The following TAF3 variants were observed in gnomAD, a reference collection of about 807,000 sequenced individuals.
TAF3 encodes the protein TATA-box binding protein associated factor 3, also known as transcription initiation factor TFIID subunit 3.
Under a neutral mutation model 80.6 loss-of-function variants are expected in TAF3, and 7 were observed. That is an observed-to-expected ratio of 0.09 (90% CI 0.05 to 0.16). TAF3 has a LOEUF of 0.16. Among genes scored for constraint, TAF3 ranks in the 10% least tolerant of loss-of-function variants. The probability of loss-of-function intolerance (pLI) is 1.00; values close to 1 mark genes in which losing one functional copy is unlikely to be tolerated. For missense variants in TAF3, 921 were observed against 1,140.2 expected, an observed-to-expected ratio of 0.81 and a Z score of 2.77; for synonymous variants, 444 against 446.1, an observed-to-expected ratio of 1.00 and a Z score of 0.06.
chr10:7,892,746 T>G (rs1254991860), intron 2 of TAF3, among the ~76,000 whole-genome samples: 1 of 152,162 alleles, frequency 6.6e-6, no homozygotes, highest in Non-Finnish European at 1.5e-5. Context: ...CTATCCATCT[T>G]TACTTTGAAA....
chr10:7,990,066 T>G (rs1831819517), intron 4 of TAF3, among the ~76,000 whole-genome samples: 1 of 152,252 alleles, frequency 6.6e-6, no homozygotes, highest in South Asian at 2.1e-4. Flanking sequence ...TTGTTTTAGT[T>G]TCTAGTTTAG....
chr10:7,865,439 T>A (rs192697896), intron 2 of TAF3, among the ~76,000 whole-genome samples: 26 of 152,070 alleles, frequency 1.7e-4, no homozygotes, highest in East Asian at 5.8e-4. Context: ...AGATCGCGCC[T>A]CTGCACTCCA....
At chr10:7,938,110 C>T (rs907280281) in intron 2 of TAF3, among the ~76,000 whole-genome samples, 1 of 152,116 alleles carries the variant, frequency 6.6e-6, no homozygotes, top group African/African-American at 2.4e-5. Context: ...CAAAATAAAA[C>T]TTAGAGTCCT....
chr10:7,908,938 C>G (rs1282032672), intron 2 of TAF3, among the ~76,000 whole-genome samples: 1 of 152,218 alleles, frequency 6.6e-6, no homozygotes, highest in Non-Finnish European at 1.5e-5. Context: ...CCAGAACTTG[C>G]ATTTCTAGCA....
intron 4 of TAF3, among the ~76,000 whole-genome samples, chr10:7,978,131 T>A (rs1357295510): frequency 6.6e-6 from 1 of 152,202 alleles, no homozygotes; most frequent in Non-Finnish European, 1.5e-5. Context: ...CAACCTTACT[T>A]TTCCCATTAA....
chr10:7,942,856 T>C (rs1837989003), intron 2 of TAF3, among the ~76,000 whole-genome samples: 1 of 152,232 alleles, frequency 6.6e-6, no homozygotes, highest in South Asian at 2.1e-4. Flanking sequence ...TTAAAATGTT[T>C]AGAACATTGT....
intron 2 of TAF3, among the ~76,000 whole-genome samples, chr10:7,837,341 CAAAA>C (rs79016748): frequency 2.2e-5 from 2 of 90,096 alleles, no homozygotes; most frequent in Non-Finnish European, 2.2e-5. Flanking sequence ...CCAGTCTGGG[CAAAA>C]AAAAAAAAAA....
rs71505463 is a variant in TAF3, at chr10:7,838,908, G to GTTTTTTTTTTTTTTTTTTTTT, written c.409+14363_409+14364insTTTTTTTTTTTTTTTTTTTTT. ...GGGAAGTTGTCTGGAGGCATTGCTT[G>GTTTTTTTTTTTTTTTTTTTTT]TTTTTTTTTTTTTTTGGTTTGTTTG... On this transcript the variant is annotated intron_variant, in intron 2 of 6. Transcript: ENST00000344293. 9.8e-5 allele frequency among the ~76,000 whole-genome samples: 10 copies of GTTTTTTTTTTTTTTTTTTTTT among 101,850 alleles called. 1 individual carries two copies. Among genetic ancestry groups the GTTTTTTTTTTTTTTTTTTTTT allele is most frequent in the East Asian group, 5.6e-4 (2 of 3,590 alleles). 66.8% of individuals were successfully genotyped at this position (101,850 alleles called of 152,430 possible).
chr10:7,964,437 G>T lies in TAF3; in HGVS notation c.927G>T (p.Lys309Asn), dbSNP rs780850499. ...CACCAAAAACTGTATCCAAAGAAAA[G>T]AAATCACCTGGACGTTCCAAGAGCC... is the stretch of plus-strand genomic sequence containing the variant. ...IRSPKTVSKE[K>N]KSPGRSKSPK... is the part of the protein sequence containing the mutation. Residue 309 changes from lysine to asparagine, a missense_variant, in exon 3 of 7, where the codon AAG becomes AAT. Physicochemically the swap from Lys to Asn is moderately conservative, Grantham distance 94. This residue lies in a region of TAF3 where 743 missense variants were observed against 821.0 expected (regional missense o/e 0.90). Transcript: ENST00000344293. The surrounding 1 kb of genome is among the most constrained non-coding windows in gnomAD (Gnocchi z 4.1). The T allele has an allele frequency of 1.2e-5, 19 of 1,613,938 alleles. No individual in the cohort carries two copies. Among genetic ancestry groups the T allele is most frequent in the Non-Finnish European group, 1.5e-5 (18 of 1,180,040 alleles).
chr10:7,838,064 C>A (rs1325889038), intron 2 of TAF3, among the ~76,000 whole-genome samples: 1 of 152,192 alleles, frequency 6.6e-6, no homozygotes, highest in Non-Finnish European at 1.5e-5. Flanking sequence ...ATGCTGCTAT[C>A]ATTCCCATTT....
At chr10:7,919,507 G>A (rs1301978046) in intron 2 of TAF3, among the ~76,000 whole-genome samples, 2 of 152,160 alleles carry the variant, frequency 1.3e-5, no homozygotes, top group Admixed American at 1.3e-4. Flanking sequence ...GTATTTAAAT[G>A]ATAATATGCA....
intron 4 of TAF3, among the ~76,000 whole-genome samples, chr10:7,980,336 T>G (rs1220635896): frequency 6.6e-6 from 1 of 152,262 alleles, no homozygotes; most frequent in Non-Finnish European, 1.5e-5. Flanking sequence ...AGTTATGTCT[T>G]CTGCCCTTGA....
intron 2 of TAF3, among the ~76,000 whole-genome samples, chr10:7,842,308 C>G (rs1036609239): frequency 6.6e-6 from 1 of 151,320 alleles, no homozygotes; most frequent in Non-Finnish European, 1.5e-5. Context: ...CACAGACATG[C>G]ACCACCACAC....
intron 2 of TAF3, among the ~76,000 whole-genome samples, chr10:7,849,424 C>T (rs1330149711): frequency 6.6e-6 from 1 of 152,088 alleles, no homozygotes; most frequent in African/African-American, 2.4e-5. Context: ...CTGGTGTCAT[C>T]CTGTAGATCT....
intron 2 of TAF3, among the ~76,000 whole-genome samples, chr10:7,880,328 A>G (rs1412320338): frequency 6.6e-6 from 1 of 152,194 alleles, no homozygotes; most frequent in African/African-American, 2.4e-5. Flanking sequence ...CATTTGACAG[A>G]TTTTTGCACA....
At chr10:7,864,249 C>A (rs1033569298) in intron 2 of TAF3, among the ~76,000 whole-genome samples, 1 of 152,176 alleles carries the variant, frequency 6.6e-6, no homozygotes, top group Admixed American at 6.5e-5. Flanking sequence ...CCCTCCCTTA[C>A]CCCAACCTGT....
intron 2 of TAF3, among the ~76,000 whole-genome samples, chr10:7,958,319 T>G (rs1838156528): frequency 6.6e-6 from 1 of 152,196 alleles, no homozygotes; most frequent in Non-Finnish European, 1.5e-5. Context: ...TTTGTTTTAA[T>G]TTTAAAAATT....
intron 2 of TAF3, among the ~76,000 whole-genome samples, chr10:7,887,712 A>C (rs533624839): frequency 2.0e-5 from 3 of 152,174 alleles, no homozygotes; most frequent in Admixed American, 6.5e-5. Flanking sequence ...AAAGGCTTCA[A>C]TCCAAGCTAA....
intron 2 of TAF3, among the ~76,000 whole-genome samples, chr10:7,870,266 T>C (rs547217672): frequency 6.6e-6 from 1 of 152,230 alleles, no homozygotes; most frequent in Non-Finnish European, 1.5e-5. Flanking sequence ...TCATCAGTCA[T>C]TGGTTGTACT....
Sources: allele counts gnomAD v4.1 joint callset (sites outside exome capture counted in the v4.1 genomes callset), GRCh38; gene constraint gnomAD v4.1.1; regional missense constraint gnomAD v4.1.1; non-coding constraint Gnocchi (gnomAD v3.1); transcripts MANE v1.5; gene names NCBI Gene and HGNC (gene_info 2026-07-23, HGNC 2026-07-21).